Variants in MDGA2 observed in about 807,000 individuals in gnomAD.
MDGA2 encodes MAM domain containing glycosylphosphatidylinositol anchor 2.
In MDGA2, 40 loss-of-function variants were observed where a neutral mutation model predicts 117.8. The ratio of observed to expected loss-of-function variants is 0.34; its 90% CI spans 0.26 to 0.44. The LOEUF is 0.44. Ranked by LOEUF, MDGA2 falls within the 20% of genes least tolerant of loss-of-function variation. The pLI is 1.00. For synonymous variants in MDGA2, 452 were observed against 439.0 expected (o/e 1.03, Z -0.37); for missense variants, 1,123 against 1,250.6 (o/e 0.90, Z 1.54).
In MDGA2 at chr14:47,311,476, A is replaced by C. The variant is rs192911741; in HGVS notation, c.281-9926T>G. Among the ~76,000 whole-genome samples the C allele has an allele frequency of 4.5e-4, 69 of 152,214 alleles. 1 individual carries two copies. The highest frequency in any genetic ancestry group is 1.5e-3 in the African/African-American group (64 of 41,538). ...ACTGCCTGTGACTAGCCCCATGGAC[A>C]AGTTTCTTAGCCTGTCAAAAAAAAA... On this transcript the variant is annotated intron_variant, in intron 1 of 16. Transcript: ENST00000399232.
At chr14:47,190,169 T>G (rs1885057505) in intron 3 of MDGA2, among the ~76,000 whole-genome samples, 1 of 152,200 alleles carries the variant, frequency 6.6e-6, no homozygotes, top group Admixed American at 6.5e-5. Context: ...AGATCTTCCT[T>G]TTGTTTCCGT....
chr14:47,585,635 G>A (rs1165002074), intron 1 of MDGA2, among the ~76,000 whole-genome samples: 5 of 151,616 alleles, frequency 3.3e-5, no homozygotes, highest in South Asian at 2.1e-4. Context: ...GTGATTCACC[G>A]GCTCCCATAA....
At chr14:47,561,175 G>GTTTTTT (rs150826944) in intron 1 of MDGA2, among the ~76,000 whole-genome samples, 9 of 69,362 alleles carry the variant, frequency 1.3e-4, no homozygotes, top group East Asian at 2.0e-3. Flanking sequence ...TTTTTTGTTT[G>GTTTTTT]TTTGTTTTTT....
At chr14:46,929,625 A>T (rs1411252393) in intron 9 of MDGA2, among the ~76,000 whole-genome samples, 558 of 24,952 alleles carry the variant, frequency 0.022, 74 homozygotes, top group Non-Finnish European at 0.037. Flanking sequence ...ATATATATAT[A>T]TATATATATA....
At chr14:47,242,815 G>C (rs1176755487) in intron 2 of MDGA2, among the ~76,000 whole-genome samples, 1 of 151,892 alleles carries the variant, frequency 6.6e-6, no homozygotes, top group Non-Finnish European at 1.5e-5. Context: ...CCACCCAAGG[G>C]CTGAGGAATG....
At chr14:47,000,753 G>A (rs28412557) in intron 8 of MDGA2, among the ~76,000 whole-genome samples, 33,563 of 151,428 alleles carry the variant, frequency 0.22, 3,936 homozygotes, top group Non-Finnish European at 0.25. Context: ...CATAATCGTG[G>A]TGTTTTAGCA....
intron 8 of MDGA2, among the ~76,000 whole-genome samples, chr14:46,962,062 C>A (rs187720294): frequency 6.0e-4 from 91 of 152,186 alleles, no homozygotes; most frequent in African/African-American, 2.1e-3. Flanking sequence ...CTATTTGTTG[C>A]CCTTTAAAAA....
rs549557232 is a variant in MDGA2 at position 46,855,686 on chromosome 14, G to T, written c.2753-532C>A. Reference sequence around the variant, plus strand: ...CCCAGAATGCTTTTTTTAAATTTCTGTTCTCCAGAATGATAAGCTAATAAA... The same window carrying T: ...CCCAGAATGCTTTTTTTAAATTTCTTTTCTCCAGAATGATAAGCTAATAAA... On this transcript the variant is annotated intron_variant, in intron 14 of 16. Coordinates refer to ENST00000399232, the MANE Select transcript of MDGA2 (RefSeq NM_001113498.3). This position sits in a 1 kb window ranked among gnomAD's most constrained non-coding sequence, Gnocchi z 4.1. Among the ~76,000 whole-genome samples the T allele has an allele frequency of 6.6e-6, 1 of 152,158 alleles. No individual in the cohort carries two copies. Among genetic ancestry groups the T allele is most frequent in the African/African-American group, 2.4e-5 (1 of 41,544 alleles).
At chr14:46,991,758 A>G (rs1017070673) in intron 8 of MDGA2, among the ~76,000 whole-genome samples, 1 of 152,168 alleles carries the variant, frequency 6.6e-6, no homozygotes, top group Admixed American at 6.6e-5. Flanking sequence ...CAAAATAGTT[A>G]ATACAACTGT....
chr14:47,345,916 G>A lies in MDGA2; in HGVS notation c.281-44366C>T, dbSNP rs190104604. Among the ~76,000 whole-genome samples, 5 of 151,872 alleles carry A rather than the reference G, an allele frequency of 3.3e-5. No individual in the cohort carries two copies. In the East Asian group the frequency reaches 9.7e-4, roughly 29 times the overall value. On this transcript the variant is annotated intron_variant, in intron 1 of 16. Transcript: ENST00000399232. ...TCATAGAAGTAAAAAGTAGAACAGA[G>A]GACACTAAAGGTTGGGAAGGGAAGA...
chr14:47,328,786 G>C (rs2139902878), intron 1 of MDGA2, among the ~76,000 whole-genome samples: 1 of 152,218 alleles, frequency 6.6e-6, no homozygotes, highest in East Asian at 1.9e-4. Flanking sequence ...CAAGCAAACT[G>C]AGTGATTTTA....
At position 47,634,845 on chromosome 14, in the gene MDGA2, C is replaced by T. The variant is rs569745556; in HGVS notation, c.280+39672G>A. On this transcript the variant is annotated intron_variant, in intron 1 of 16. Coordinates refer to ENST00000399232, the MANE Select transcript of MDGA2 (RefSeq NM_001113498.3). The stretch of plus-strand genomic sequence containing the variant: ...TTAGAGTCTTCCATCTCAATCATTA[C>T]CATGTTCAGGTTCACTAACTGAATC... Among the ~76,000 whole-genome samples the T allele has an allele frequency of 1.6e-3, 243 of 152,174 alleles. 6 individuals carry two copies. Among genetic ancestry groups the T allele is most frequent in the South Asian group, 0.014 (67 of 4,822 alleles).
intron 1 of MDGA2, among the ~76,000 whole-genome samples, chr14:47,586,991 A>G (rs904476863): frequency 2.0e-5 from 3 of 151,858 alleles, no homozygotes; most frequent in Non-Finnish European, 4.4e-5. Context: ...TAATTCTTGG[A>G]TTTTTTTAGT....
At chr14:46,932,831 T>C (rs1884631222) in intron 9 of MDGA2, among the ~76,000 whole-genome samples, 1 of 151,978 alleles carries the variant, frequency 6.6e-6, no homozygotes, top group East Asian at 1.9e-4. Flanking sequence ...GAAATTAAAC[T>C]GTCTTTATTT....
chr14:47,211,738 G>T (rs1189653565), intron 3 of MDGA2, among the ~76,000 whole-genome samples: 1 of 152,096 alleles, frequency 6.6e-6, no homozygotes, highest in African/African-American at 2.4e-5. Flanking sequence ...AACTGCCAGG[G>T]AGAATTCTTT....
intron 8 of MDGA2, among the ~76,000 whole-genome samples, chr14:46,989,012 A>G (rs1886975056): frequency 2.0e-5 from 3 of 152,242 alleles, no homozygotes; most frequent in African/African-American, 7.2e-5. Flanking sequence ...AATTTGCAAT[A>G]ATCTCTTTTC....
At chr14:46,867,550 A>AT (rs1881824672) in intron 14 of MDGA2, among the ~76,000 whole-genome samples, 1 of 152,094 alleles carries the variant, frequency 6.6e-6, no homozygotes, top group South Asian at 2.1e-4. Flanking sequence ...AATAATAATA[A>AT]AAAAAGAGAA....
intron 1 of MDGA2, among the ~76,000 whole-genome samples, chr14:47,456,692 T>A (rs1191193757): frequency 2.6e-5 from 4 of 152,158 alleles, no homozygotes; most frequent in African/African-American, 9.7e-5. Flanking sequence ...GAATGCCCGT[T>A]TGTGAGAGAT....
chr14:47,317,359 C>A (rs1412064586), intron 1 of MDGA2, among the ~76,000 whole-genome samples: 1 of 152,006 alleles, frequency 6.6e-6, no homozygotes, highest in Non-Finnish European at 1.5e-5. Context: ...TTTTGAGAAA[C>A]CTAAGGACTG....
Sources: gnomAD v4.1 joint callset for allele counts (sites outside exome capture counted in the v4.1 genomes callset) on GRCh38, gnomAD v4.1.1 for gene constraint, Gnocchi (gnomAD v3.1) non-coding constraint, MANE v1.5 for transcripts, NCBI Gene and HGNC (gene_info 2026-07-23, HGNC 2026-07-21) for gene names.